The following MSI2 variants were observed in gnomAD, a reference collection of about 807,000 sequenced individuals.
The protein encoded by MSI2 is musashi RNA binding protein 2.
In MSI2, 17 loss-of-function variants were observed where a neutral mutation model predicts 45.6. The observed-to-expected ratio is 0.37, with a 90% confidence interval of 0.26 to 0.56. MSI2 has a LOEUF of 0.56. Among genes scored for constraint, MSI2 ranks in the 20% least tolerant of loss-of-function variants. The pLI is 0.77. For missense variants in MSI2, 293 were observed against 444.2 expected (o/e 0.66, Z 3.06); for synonymous variants, 156 against 158.2 (o/e 0.99, Z 0.11).
intron 5 of MSI2, among the ~76,000 whole-genome samples, chr17:57,306,784 C>T (rs889477582): frequency 4.6e-5 from 7 of 152,200 alleles, no homozygotes; most frequent in African/African-American, 9.6e-5. Context: ...TCGCTCTTGT[C>T]GCCCAGGCTG....
At chr17:57,405,011 A>T (rs1030670041) in intron 6 of MSI2, among the ~76,000 whole-genome samples, 2 of 152,000 alleles carry the variant, frequency 1.3e-5, no homozygotes, top group African/African-American at 4.8e-5. Flanking sequence ...CGTCACCATG[A>T]GCTACCCAGG....
At chr17:57,284,837 TG>T (rs369099254) in intron 5 of MSI2, among the ~76,000 whole-genome samples, 37 of 151,698 alleles carry the variant, frequency 2.4e-4, no homozygotes, top group African/African-American at 8.0e-4. Flanking sequence ...CTGCTGGGGA[TG>T]GGAGAAGCTC....
At chr17:57,579,811 A>G (rs1285597659) in intron 7 of MSI2, among the ~76,000 whole-genome samples, 1 of 152,158 alleles carries the variant, frequency 6.6e-6, no homozygotes, top group Non-Finnish European at 1.5e-5. Context: ...TAAATCCTCT[A>G]TAACCCTATA....
intron 10 of MSI2, among the ~76,000 whole-genome samples, chr17:57,636,525 G>A (rs751963209): frequency 2.0e-5 from 3 of 152,162 alleles, no homozygotes; most frequent in South Asian, 4.1e-4. Context: ...CCCGGGGTGC[G>A]CTCAGGGAGC....
chr17:57,602,635 A>G (rs7207317), intron 8 of MSI2, among the ~76,000 whole-genome samples: 96,185 of 152,124 alleles, frequency 0.63, 31,065 homozygotes, highest in African/African-American at 0.77. Context: ...GATTACAGGC[A>G]TCAGCCACTA....
chr17:57,457,079 G>A (rs2099915), intron 6 of MSI2, among the ~76,000 whole-genome samples: 6,654 of 152,234 alleles, frequency 0.044, 493 homozygotes, highest in African/African-American at 0.15. Flanking sequence ...GTTTTCAAGA[G>A]GGAAACATGT....
chr17:57,378,395 C>G (rs2083539197), intron 5 of MSI2, among the ~76,000 whole-genome samples: 2 of 152,168 alleles, frequency 1.3e-5, no homozygotes, highest in Admixed American at 1.3e-4. Context: ...TCCCGAGTAG[C>G]TGGGATTACA....
chr17:57,524,867 CT>C (rs2144032272), intron 6 of MSI2, among the ~76,000 whole-genome samples: 1 of 152,344 alleles, frequency 6.6e-6, no homozygotes, highest in East Asian at 1.9e-4. Flanking sequence ...TGCCCAGTGT[CT>C]TTAACCTTTG....
intron 8 of MSI2, among the ~76,000 whole-genome samples, chr17:57,607,562 G>T (rs1906752694): frequency 1.3e-5 from 2 of 152,248 alleles, no homozygotes; most frequent in Admixed American, 1.3e-4. Flanking sequence ...GCCTGATTAT[G>T]ATGTCTGAGA....
rs1029798772 is a variant in MSI2 at position 57,682,460 on chromosome 17, T to A, written c.*2943T>A. On this transcript the variant is annotated 3_prime_UTR_variant, in exon 14 of 14. Coordinates refer to ENST00000284073, the MANE Select transcript of MSI2 (RefSeq NM_138962.4). ...ATGATTTTACTAAGAGAAAAAATAT[T>A]TTTTTAAGAATGCTCAGAAGAAATT... The A allele has an allele frequency of 1.0e-5, 2 of 196,210 alleles. No homozygotes were observed. Among genetic ancestry groups the A allele is most frequent in the African/African-American group, 2.3e-5 (1 of 43,232 alleles). The allele number at this position is 196,210 out of a possible 1,614,324, so 12.2% of individuals were successfully genotyped here.
rs954269824 is a variant in MSI2, at chr17:57,664,374, C to A, written c.791-10598C>A. ...CTCTACTAAAAATACAAAAATCAGC[C>A]AGGTGTGGCGGTGTGTGCCTGTAGT... is the stretch of plus-strand genomic sequence containing the variant. On this transcript the variant is annotated intron_variant, in intron 11 of 13. Transcript: ENST00000284073. 6.1e-4 allele frequency among the ~76,000 whole-genome samples: 93 copies of A among 152,068 alleles called. 3 individuals carry two copies. Among genetic ancestry groups the A allele is most frequent in the Non-Finnish European group, 7.4e-5 (5 of 68,020 alleles).
chr17:57,426,606 A>T (rs1731616111), intron 6 of MSI2, among the ~76,000 whole-genome samples: 1 of 152,156 alleles, frequency 6.6e-6, no homozygotes, highest in Non-Finnish European at 1.5e-5. Context: ...ATTCAGTAGT[A>T]AATGGTTGTT....
intron 5 of MSI2, among the ~76,000 whole-genome samples, chr17:57,321,874 G>A (rs1464127843): frequency 1.3e-5 from 2 of 151,816 alleles, no homozygotes; most frequent in Admixed American, 6.6e-5. Context: ...TTGGCTCACC[G>A]CAACCTCTGC....
rs117452382 is a variant in MSI2, at chr17:57,543,074, C to T, written c.454+13350C>T. ...ATTTGCCTGAAAACTGAGAATGGTTCCTACTCAATGCTTCCCATCTCAACT... is the reference window on the plus strand; with the variant it reads ...ATTTGCCTGAAAACTGAGAATGGTTTCTACTCAATGCTTCCCATCTCAACT... On this transcript the variant is annotated intron_variant, in intron 7 of 13. Transcript: ENST00000284073. Among the ~76,000 whole-genome samples the T allele has an allele frequency of 5.4e-3, 819 of 152,316 alleles. 3 individuals carry two copies. The highest frequency in any genetic ancestry group is 0.02 in the Middle Eastern group (6 of 294).
chr17:57,453,127 A>G (rs1029286591), intron 6 of MSI2, among the ~76,000 whole-genome samples: 4 of 150,696 alleles, frequency 2.7e-5, no homozygotes, highest in African/African-American at 9.8e-5. Flanking sequence ...CAGCCTCCCG[A>G]GTAACTGGGA....
chr17:57,330,953 G>A (rs1388854448), intron 5 of MSI2, among the ~76,000 whole-genome samples: 1 of 151,384 alleles, frequency 6.6e-6, no homozygotes, highest in Non-Finnish European at 1.5e-5. Context: ...TGTACCCCAG[G>A]CTGGAGTGCA....
chr17:57,381,582 C>T (rs1291017038), intron 5 of MSI2, among the ~76,000 whole-genome samples: 2 of 152,148 alleles, frequency 1.3e-5, no homozygotes, highest in Admixed American at 6.5e-5. Context: ...ACAAGACTGT[C>T]GGTGTCACTG....
intron 11 of MSI2, among the ~76,000 whole-genome samples, chr17:57,663,151 T>G (rs1482050485): frequency 6.6e-6 from 1 of 151,140 alleles, no homozygotes; most frequent in Non-Finnish European, 1.5e-5. Context: ...TTGCTGGGGC[T>G]TTGCTCTGAG....
intron 10 of MSI2, among the ~76,000 whole-genome samples, chr17:57,648,548 T>TGG (rs774749740): frequency 4.5e-4 from 69 of 152,118 alleles, no homozygotes; most frequent in Non-Finnish European, 1.0e-4. Flanking sequence ...AGGAGTCTGG[T>TGG]GGCCCCTTCA....
Sources: gnomAD v4.1 joint callset for allele counts (sites outside exome capture counted in the v4.1 genomes callset) on GRCh38, gnomAD v4.1.1 for gene constraint, MANE v1.5 for transcripts, NCBI Gene and HGNC (gene_info 2026-07-23, HGNC 2026-07-21) for gene names.